Variants in PCSK6 observed in about 807,000 individuals in gnomAD.
PCSK6 encodes proprotein convertase subtilisin/kexin type 6, also known as paired basic amino acid cleaving enzyme 4.
A neutral mutation model predicts 123.3 loss-of-function variants in PCSK6; 85 were observed. The ratio of observed to expected loss-of-function variants is 0.69; its 90% confidence interval spans 0.58 to 0.83. The LOEUF (loss-of-function observed/expected upper bound fraction) is 0.83. Among genes scored for constraint, PCSK6 ranks in the 40% least tolerant of loss-of-function variants. The pLI is 0.00. For missense variants in PCSK6, 1,191 were observed against 1,282.3 expected (o/e 0.93, Z 1.09); for synonymous variants, 508 against 516.0 (o/e 0.98, Z 0.21).
intron 1 of PCSK6, among the ~76,000 whole-genome samples, chr15:101,451,279 T>C (rs2057027535): frequency 6.7e-6 from 1 of 149,744 alleles, no homozygotes; most frequent in Admixed American, 6.7e-5. Flanking sequence ...CTACCCCAAA[T>C]GACATCAAAT....
intron 13 of PCSK6, among the ~76,000 whole-genome samples, chr15:101,351,216 C>G (rs1319673000): frequency 4.6e-5 from 7 of 152,172 alleles, no homozygotes; most frequent in Admixed American, 4.6e-4. Context: ...ATGCTACAAA[C>G]AAGGGCTGGG....
rs374007160 is a variant in PCSK6, at chr15:101,370,781, C to T, written c.1533-258G>A. 2.8e-3 allele frequency among the ~76,000 whole-genome samples: 431 copies of T among 152,366 alleles called. 1 individual carries two copies. Among genetic ancestry groups the T allele is most frequent in the East Asian group, 6.0e-3 (31 of 5,186 alleles). ...TGGTTCGGCTGGGCACTGTGGCTCA[C>T]GCCTCTGATCCCAGCTCTTTGGGAG... On this transcript the variant is annotated intron_variant, in intron 11 of 21. Transcript: ENST00000611716.
intron 15 of PCSK6, among the ~76,000 whole-genome samples, chr15:101,329,559 G>A (rs2040331391): frequency 6.6e-6 from 1 of 152,256 alleles, no homozygotes; most frequent in African/African-American, 2.4e-5. Flanking sequence ...TGTCGAGTAA[G>A]CACGGATGTG....
intron 20 of PCSK6, among the ~76,000 whole-genome samples, chr15:101,311,171 T>C (rs2624984): frequency 0.38 from 57,287 of 151,758 alleles, 11,118 homozygotes; most frequent in African/African-American, 0.43. Flanking sequence ...GAGTGCATGG[T>C]GCGATCATAG....
intron 1 of PCSK6, among the ~76,000 whole-genome samples, chr15:101,458,927 G>A (rs954483047): frequency 3.3e-5 from 5 of 152,064 alleles, no homozygotes; most frequent in Non-Finnish European, 7.3e-5. Context: ...TAACCACCCC[G>A]ACATCCCGCA....
intron 9 of PCSK6, among the ~76,000 whole-genome samples, chr15:101,388,828 A>G (rs2042145170): frequency 6.6e-6 from 1 of 152,224 alleles, no homozygotes; most frequent in Admixed American, 6.5e-5. Context: ...TTCCACTTAC[A>G]TGAGGCACCT....
At chr15:101,326,093 A>G (rs1157829811) in intron 16 of PCSK6, among the ~76,000 whole-genome samples, 1 of 152,256 alleles carries the variant, frequency 6.6e-6, no homozygotes, top group South Asian at 2.1e-4. Flanking sequence ...GGCACGCCCA[A>G]CATGACCCAC....
intron 13 of PCSK6, among the ~76,000 whole-genome samples, chr15:101,343,126 T>C (rs758227852): frequency 1.3e-5 from 2 of 152,240 alleles, no homozygotes; most frequent in African/African-American, 2.4e-5. Context: ...GTCAATTTTG[T>C]TAAGTTGTAT....
chr15:101,405,262 G>C (rs2042735707), intron 6 of PCSK6, among the ~76,000 whole-genome samples: 1 of 152,192 alleles, frequency 6.6e-6, no homozygotes, highest in South Asian at 2.1e-4. Context: ...AATTTGATTT[G>C]GGCAAATTGT....
At chr15:101,316,919 T>TTTTTTTTTTTTTTTTTTTTTTTTTTTTG (rs2040005379) in intron 19 of PCSK6, among the ~76,000 whole-genome samples, 1 of 147,634 alleles carries the variant, frequency 6.8e-6, no homozygotes, top group African/African-American at 2.6e-5. Flanking sequence ...TGTTTTTTTT[T>TTTTTTTTTTTTTTTTTTTTTTTTTTTTG]TTTTTTTTTT....
intron 6 of PCSK6, among the ~76,000 whole-genome samples, chr15:101,418,218 C>T (rs2055957399): frequency 6.6e-6 from 1 of 152,154 alleles, no homozygotes; most frequent in Non-Finnish European, 1.5e-5. Flanking sequence ...CATATCCAAT[C>T]AGACTAGTTA....
At chr15:101,464,986 C>G (rs1057026657) in intron 1 of PCSK6, among the ~76,000 whole-genome samples, 1 of 152,138 alleles carries the variant, frequency 6.6e-6, no homozygotes, top group Non-Finnish European at 1.5e-5. Context: ...CTCGCAGGAC[C>G]TGGGGAGAGG....
intron 1 of PCSK6, among the ~76,000 whole-genome samples, chr15:101,456,210 G>A (rs148397132): frequency 1.3e-5 from 2 of 151,372 alleles, no homozygotes; most frequent in African/African-American, 4.8e-5. Flanking sequence ...TCCTACTCCA[G>A]GGATGGAAGG....
intron 13 of PCSK6, among the ~76,000 whole-genome samples, chr15:101,341,249 T>TG (rs2040600293): frequency 4.2e-5 from 2 of 47,080 alleles, no homozygotes; most frequent in Non-Finnish European, 3.9e-5. Context: ...AAGTGTGGGG[T>TG]TTTTTTTTTT....
At chr15:101,320,348 A>G (rs914479329) in intron 18 of PCSK6, among the ~76,000 whole-genome samples, 1 of 152,144 alleles carries the variant, frequency 6.6e-6, no homozygotes, top group African/African-American at 2.4e-5. Flanking sequence ...GGCCTCCCAA[A>G]GTGCTGGGAT....
intron 1 of PCSK6, among the ~76,000 whole-genome samples, chr15:101,461,979 G>A (rs2057350485): frequency 6.6e-6 from 1 of 152,134 alleles, no homozygotes; most frequent in African/African-American, 2.4e-5. Context: ...CAACAGCCAT[G>A]ATAAATAAAT....
intron 13 of PCSK6, among the ~76,000 whole-genome samples, chr15:101,345,648 G>A (rs748915914): frequency 3.3e-5 from 5 of 152,194 alleles, no homozygotes; most frequent in Non-Finnish European, 7.3e-5. Flanking sequence ...GAGCGCTCTC[G>A]CGAAAGACAA....
chr15:101,410,847 G>A (rs748210261), intron 6 of PCSK6, among the ~76,000 whole-genome samples: 4 of 152,140 alleles, frequency 2.6e-5, no homozygotes, highest in Non-Finnish European at 4.4e-5. Context: ...AGTCTCCCCT[G>A]GTGGGAAACG....
At chr15:101,388,273 G>A (rs1049484602) in intron 9 of PCSK6, among the ~76,000 whole-genome samples, 4 of 152,240 alleles carry the variant, frequency 2.6e-5, no homozygotes, top group Admixed American at 2.6e-4. Flanking sequence ...GGTAGCATTT[G>A]AGTGTTACGC....
Sources: gnomAD v4.1 joint callset for allele counts (sites outside exome capture counted in the v4.1 genomes callset) on GRCh38, gnomAD v4.1.1 for gene constraint, MANE v1.5 for transcripts, NCBI Gene and HGNC (gene_info 2026-07-23, HGNC 2026-07-21) for gene names.